The following PRKAR1A variants were observed in gnomAD, a reference collection of about 807,000 sequenced individuals.
The protein encoded by PRKAR1A is cAMP-dependent protein kinase type I-alpha regulatory subunit.
A neutral mutation model predicts 52.0 loss-of-function variants in PRKAR1A; 3 were observed. The observed-to-expected ratio is 0.06, with a 90% CI of 0.03 to 0.15. The LOEUF (loss-of-function observed/expected upper bound fraction) is 0.15. Ranked by LOEUF, PRKAR1A falls within the 10% of genes least tolerant of loss-of-function variation. PRKAR1A has a pLI of 1.00. For synonymous variants in PRKAR1A, 188 were observed against 168.4 expected (o/e 1.12, Z -0.90); for missense variants, 240 against 477.4 (o/e 0.50, Z 4.63).
the PRKAR1A span, among the ~76,000 whole-genome samples, chr17:68,481,982 AAGG>A: frequency 1.3e-5 from 2 of 152,336 alleles, no homozygotes; most frequent in South Asian, 4.1e-4. Context: ...CCCTACCTTT[AAGG>A]AGTTTATAAT....
chr17:68,484,149 C>G, the PRKAR1A span, among the ~76,000 whole-genome samples: 1 of 152,248 alleles, frequency 6.6e-6, no homozygotes, highest in Non-Finnish European at 1.5e-5. Context: ...TGGGATTGCC[C>G]TGAAACTATA....
chr17:68,504,766 A>T, the PRKAR1A span, among the ~76,000 whole-genome samples: 1 of 152,212 alleles, frequency 6.6e-6, no homozygotes, highest in Admixed American at 6.5e-5. Context: ...TGAATAAGAC[A>T]TAGTATTTGA....
At chr17:68,480,519 A>C in the PRKAR1A span, among the ~76,000 whole-genome samples, 1 of 152,120 alleles carries the variant, frequency 6.6e-6, no homozygotes, top group Non-Finnish European at 1.5e-5. Flanking sequence ...CTCAGGGGAA[A>C]ACTATTTTAC....
At chr17:68,501,402 A>G in the PRKAR1A span, among the ~76,000 whole-genome samples, 3 of 152,134 alleles carry the variant, frequency 2.0e-5, no homozygotes, top group Non-Finnish European at 4.4e-5. Context: ...GAGGTGCTGC[A>G]TTCACTCCTA....
At chr17:68,478,483 C>T in the PRKAR1A span, among the ~76,000 whole-genome samples, 3 of 152,162 alleles carry the variant, frequency 2.0e-5, no homozygotes, top group East Asian at 5.8e-4. Flanking sequence ...AAAAACAAAC[C>T]AAAAAACCCA....
chr17:68,551,296 A>C, exon 12 of PRKAR1A: 1 of 433,936 alleles, frequency 2.3e-6, no homozygotes, highest in Non-Finnish European at 3.9e-6. Context: ...TATGAATAAA[A>C]TATAAATTAA....
At chr17:68,479,294 T>C in the PRKAR1A span, among the ~76,000 whole-genome samples, 1 of 152,242 alleles carries the variant, frequency 6.6e-6, no homozygotes, top group Non-Finnish European at 1.5e-5. Flanking sequence ...GTGGATTGAA[T>C]TGCTGTTCCA....
the PRKAR1A span, chr17:68,426,025 C>T: frequency 1.3e-6 from 2 of 1,508,140 alleles, no homozygotes; most frequent in South Asian, 2.2e-5. Context: ...CGAAGGTTTC[C>T]TTCTAAGCAC....
rs1047417607 is a variant in PRKAR1A, at chr17:68,532,270, C to T, written c.*1821C>T. The T allele has an allele frequency of 3.8e-6, 4 of 1,044,936 alleles. No individual in the cohort carries two copies. In the Admixed American group the frequency reaches 1.6e-4, roughly 42 times the overall value. The allele number at this position is 1,044,936 out of a possible 1,614,324, so 64.7% of individuals were successfully genotyped here. A position where few individuals can be genotyped will look rare whatever the true frequency, so the allele number is the denominator to read the frequency against. On this transcript the variant is annotated 3_prime_UTR_variant, in exon 11 of 11. Coordinates refer to ENST00000589228, the MANE Select transcript of PRKAR1A (RefSeq NM_002734.5). ...CTTGATTTGATCTTTGTTTAAATGCCAAAATGTACTTAAATGAGTTACTTA... is the reference window on the plus strand; with the variant it reads ...CTTGATTTGATCTTTGTTTAAATGCTAAAATGTACTTAAATGAGTTACTTA...
the PRKAR1A span, among the ~76,000 whole-genome samples, chr17:68,469,564 T>C: frequency 5.9e-5 from 9 of 152,148 alleles, no homozygotes; most frequent in African/African-American, 2.2e-4. Context: ...ACAGAATCAG[T>C]TGCTTAAATA....
chr17:68,442,860 GACA>G, the PRKAR1A span, among the ~76,000 whole-genome samples: 1 of 152,182 alleles, frequency 6.6e-6, no homozygotes, highest in Admixed American at 6.5e-5. Context: ...GGGAACTCGT[GACA>G]ACTAGATTTT....
At position 68,516,691 on chromosome 17, in the gene PRKAR1A, T is replaced by C. The variant is rs116187842; in HGVS notation, c.177+1115T>C. On this transcript the variant is annotated intron_variant, in intron 2 of 10. Coordinates refer to ENST00000589228, the MANE Select transcript of PRKAR1A (RefSeq NM_002734.5). Reference sequence around the variant, plus strand: ...TTTTCTATTTTCTTTAAAAACTGATTGTTAAAATTTGTATTTAGTACCATG... The same window carrying C: ...TTTTCTATTTTCTTTAAAAACTGATCGTTAAAATTTGTATTTAGTACCATG... Among the ~76,000 whole-genome samples the C allele has an allele frequency of 6.1e-3, 927 of 151,914 alleles. 14 individuals are homozygous for C. Among genetic ancestry groups the C allele is most frequent in the African/African-American group, 0.021 (890 of 41,464 alleles).
At chr17:68,528,696 A>G (rs1272852329) in intron 8 of PRKAR1A, 174 bp from the exon 9 acceptor site, 2 of 804,448 alleles carry the variant, frequency 2.5e-6, no homozygotes, top group African/African-American at 1.7e-5. Context: ...TGCAGGCAGT[A>G]TGAGAATCCT....
At chr17:68,534,890 T>A (rs2086060685), downstream of PRKAR1A, among the ~76,000 whole-genome samples, 1 of 152,238 alleles carries the variant, frequency 6.6e-6, no homozygotes, top group Non-Finnish European at 1.5e-5. Flanking sequence ...AACCCTGTAT[T>A]TCCCCTAGGA....
chr17:68,455,570 T>C, the PRKAR1A span, among the ~76,000 whole-genome samples: 1 of 152,160 alleles, frequency 6.6e-6, no homozygotes, highest in Non-Finnish European at 1.5e-5. Flanking sequence ...AAATCCAATG[T>C]CATACCCTCT....
chr17:68,466,702 G>A, the PRKAR1A span, among the ~76,000 whole-genome samples: 1 of 151,960 alleles, frequency 6.6e-6, no homozygotes, highest in Admixed American at 6.6e-5. Context: ...GTGAGTCACC[G>A]TGCCCAACCA....
rs751135065 is a variant in PRKAR1A at position 68,522,836 on chromosome 17, A to G, written c.258A>G (p.Pro86=). 1 of 1,614,052 alleles carries G rather than the reference A, an allele frequency of 6.2e-7. No homozygotes were observed. Among genetic ancestry groups the G allele is most frequent in the Admixed American group, 1.7e-5 (1 of 60,020 alleles). The change falls in exon 3 of 11, where the codon CCA becomes CCG. Residue 86 remains proline (P), a synonymous_variant. Coordinates refer to ENST00000589228, the MANE Select transcript of PRKAR1A (RefSeq NM_002734.5). ...DSREDEISPP[P]PNPVVKGRRR... The stretch of plus-strand genomic sequence containing the variant: ...GGGAGGATGAGATTTCTCCTCCTCC[A>G]CCCAACCCAGTGGTTAAAGGTAGGA...
At chr17:68,539,488 G>A in intron 11 of PRKAR1A, 1 of 1,185,926 alleles carries the variant, frequency 8.4e-7, no homozygotes, top group Non-Finnish European at 1.3e-6. Context: ...TTGTGAATCA[G>A]AGATTGGGGT....
chr17:68,543,853 C>G (rs147089593), intron 11 of PRKAR1A: 2 of 792,948 alleles, frequency 2.5e-6, no homozygotes, highest in South Asian at 2.8e-5. Context: ...GGCGATGGCA[C>G]GGCAAGTCAG....
Sources: gnomAD v4.1 joint callset for allele counts (sites outside exome capture counted in the v4.1 genomes callset) on GRCh38, gnomAD v4.1.1 for gene constraint, MANE v1.5 for transcripts, NCBI Gene and HGNC (gene_info 2026-07-23, HGNC 2026-07-21) for gene names.